The following ANAPC1 variants were observed in gnomAD, a reference collection of about 807,000 sequenced individuals.
ANAPC1 encodes the protein anaphase promoting complex subunit 1.
ANAPC1 carries 36 observed loss-of-function variants against 208.0 expected under a neutral mutation model. The observed-to-expected ratio is 0.17, with a 90% CI of 0.13 to 0.23. ANAPC1 has a LOEUF of 0.23. ANAPC1 is among the 10% of genes least tolerant of loss of function. The pLI is 1.00. For synonymous variants in ANAPC1, 378 were observed against 695.2 expected (o/e 0.54, Z 7.18); for missense variants, 942 against 2,011.6 (o/e 0.47, Z 10.17).
chr2:111,881,837 T>C (rs1219763142), intron 1 of ANAPC1, among the ~76,000 whole-genome samples: 7 of 152,232 alleles, frequency 4.6e-5, no homozygotes, highest in Admixed American at 2.6e-4. Context: ...CTCTGTCCTA[T>C]GACTTCATCC....
At chr2:111,839,507 C>T (rs1680644104) in intron 17 of ANAPC1, among the ~76,000 whole-genome samples, 1 of 152,146 alleles carries the variant, frequency 6.6e-6, no homozygotes, top group South Asian at 2.1e-4. Flanking sequence ...TGCTGAAAAA[C>T]TTACATATTT....
chr2:111,876,490 C>T (rs1301010776), intron 3 of ANAPC1, among the ~76,000 whole-genome samples: 1 of 152,086 alleles, frequency 6.6e-6, no homozygotes, highest in African/African-American at 2.4e-5. Flanking sequence ...TATCTAACTG[C>T]ACTTCCATAG....
chr2:111,806,086 GTTC>G (rs1321980904), intron 29 of ANAPC1, among the ~76,000 whole-genome samples, 193 bp from the exon 30 acceptor site: 12 of 149,452 alleles, frequency 8.0e-5, no homozygotes, highest in Non-Finnish European at 1.5e-4. Flanking sequence ...GCCCAAAATA[GTTC>G]TTTTTAAATT....
intron 6 of ANAPC1, among the ~76,000 whole-genome samples, chr2:111,871,202 T>C (rs1682730058): frequency 6.6e-6 from 1 of 152,112 alleles, no homozygotes; most frequent in Non-Finnish European, 1.5e-5. Context: ...AATTGTTTTT[T>C]CTAACTCTAT....
intron 9 of ANAPC1, 72 bp from the exon 10 acceptor site, chr2:111,862,670 C>T: frequency 6.5e-7 from 1 of 1,534,968 alleles, no homozygotes; most frequent in Non-Finnish European, 8.8e-7. Context: ...ACTCCAATGA[C>T]ACTTCCAAAA....
At chr2:111,826,729 C>T (rs569306027) in intron 21 of ANAPC1, among the ~76,000 whole-genome samples, 29 of 150,000 alleles carry the variant, frequency 1.9e-4, no homozygotes, top group African/African-American at 6.6e-4. Context: ...GGCACAATCT[C>T]GGCTCACTGC....
intron 7 of ANAPC1, among the ~76,000 whole-genome samples, chr2:111,866,986 T>C (rs568464613): frequency 1.4e-3 from 217 of 152,212 alleles, no homozygotes; most frequent in African/African-American, 4.9e-3. Context: ...CCTACAACCC[T>C]TTAAAAGGTA....
chr2:111,866,824 C>T (rs1361231608), intron 7 of ANAPC1, among the ~76,000 whole-genome samples: 5 of 146,698 alleles, frequency 3.4e-5, no homozygotes, highest in East Asian at 2.0e-4. Flanking sequence ...AAAAAGGCTG[C>T]GTGCCATTTA....
At chr2:111,836,685 C>T (rs1172911608) in intron 18 of ANAPC1, among the ~76,000 whole-genome samples, 1 of 151,494 alleles carries the variant, frequency 6.6e-6, no homozygotes, top group East Asian at 1.9e-4. Flanking sequence ...TGTATGTCCA[C>T]GGGCCCGGCA....
intron 24 of ANAPC1, among the ~76,000 whole-genome samples, chr2:111,824,395 T>C (rs933329171): frequency 6.6e-6 from 1 of 152,190 alleles, no homozygotes; most frequent in African/African-American, 2.4e-5. Context: ...GTGGCAGTAA[T>C]TTTTGTTTTT....
Position 111,857,040 on chromosome 2 carries a change from A to G in ANAPC1, c.1359-154T>C, listed in dbSNP as rs1681767455. ...CACAAATGCCAAATTATCAAGATGG[A>G]GAATTAGTGGTTACCAGGATCAGTG... On this transcript the variant is annotated intron_variant, in intron 11 of 47. Transcript: ENST00000341068. 6 of 578,348 alleles carry G rather than the reference A, an allele frequency of 1.0e-5. No homozygotes were observed. The Admixed American group carries it at 1.2e-4, about 12-fold the overall frequency. 35.8% of individuals were successfully genotyped at this position (578,348 alleles called of 1,614,324 possible). A position where few individuals can be genotyped will look rare whatever the true frequency, so the allele number is the denominator to read the frequency against.
chr2:111,862,634 T>C (rs1277871094), intron 9 of ANAPC1, 36 bp from the exon 10 acceptor site: 1 of 1,598,076 alleles, frequency 6.3e-7, no homozygotes, highest in African/African-American at 1.4e-5. Context: ...ACATCACAGT[T>C]AGCAAGGCAG....
intron 7 of ANAPC1, 83 bp from the exon 8 acceptor site, chr2:111,865,034 T>C: frequency 6.9e-7 from 1 of 1,442,942 alleles, no homozygotes; most frequent in East Asian, 2.4e-5. Context: ...TTAAAATTGT[T>C]AAAGATAAAG....
In ANAPC1 at chr2:111,834,891, A is replaced by G; in HGVS notation, c.2116-19T>C. ...CCCAGTCCTGAGAAGAATAAAAAGAATATTAATTTTTAAAAATAATACCTC... is the reference window on the plus strand; with the variant it reads ...CCCAGTCCTGAGAAGAATAAAAAGAGTATTAATTTTTAAAAATAATACCTC... On this transcript the variant is annotated intron_variant, in intron 18 of 47. Transcript: ENST00000341068. 1 of 1,449,270 alleles carries G rather than the reference A, an allele frequency of 6.9e-7. No individual in the cohort carries two copies. The allele number at this position is 1,449,270 out of a possible 1,614,324, so 89.8% of individuals were successfully genotyped here. A position where few individuals can be genotyped will look rare whatever the true frequency, so the allele number is the denominator to read the frequency against.
intron 34 of ANAPC1, among the ~76,000 whole-genome samples, chr2:111,799,437 T>C (rs910912455): frequency 5.3e-5 from 8 of 152,236 alleles, no homozygotes; most frequent in African/African-American, 1.9e-4. Flanking sequence ...GCCTCAGTAA[T>C]TCCAGCCCTA....
chr2:111,767,565 A>T (rs1404481908), downstream of ANAPC1: 2 of 153,780 alleles, frequency 1.3e-5, no homozygotes, highest in Non-Finnish European at 2.9e-5. Flanking sequence ...TTTAAAGCTG[A>T]TATTTGCTTT....
intron 28 of ANAPC1, among the ~76,000 whole-genome samples, chr2:111,810,342 T>C (rs1307544941): frequency 6.6e-6 from 1 of 151,518 alleles, no homozygotes; most frequent in African/African-American, 2.4e-5. Flanking sequence ...TCACCACTAG[T>C]GGGTACAAGG....
At chr2:111,864,511 C>G (rs1251530150) in intron 8 of ANAPC1, among the ~76,000 whole-genome samples, 1 of 126,334 alleles carries the variant, frequency 7.9e-6, no homozygotes, top group Non-Finnish European at 1.6e-5. Context: ...GTGACCCAGG[C>G]TGGAGTGCAG....
At chr2:111,847,938 T>G in intron 14 of ANAPC1, 73 bp from the exon 15 acceptor site, 2 of 1,342,484 alleles carry the variant, frequency 1.5e-6, no homozygotes, top group Admixed American at 5.0e-5. Context: ...TTTAACTGTT[T>G]CTTTTTTGCA....
Sources: allele counts gnomAD v4.1 joint callset (sites outside exome capture counted in the v4.1 genomes callset), GRCh38; gene constraint gnomAD v4.1.1; transcripts MANE v1.5; gene names NCBI Gene and HGNC (gene_info 2026-07-23, HGNC 2026-07-21).